Variants in AGL observed in about 807,000 individuals in gnomAD.
AGL encodes the protein amylo-alpha-1,6-glucosidase and 4-alpha-glucanotransferase, also known as glycogen debranching enzyme.
Under a neutral mutation model 199.3 loss-of-function variants are expected in AGL, and 128 were observed. The ratio of observed to expected loss-of-function variants is 0.64; its 90% CI spans 0.56 to 0.74. AGL has a LOEUF of 0.74. Ranked by LOEUF, AGL falls within the 30% of genes least tolerant of loss-of-function variation. The pLI, the probability that AGL is intolerant of heterozygous loss-of-function variation, is 0.00. For synonymous variants in AGL, 584 were observed against 594.7 expected, an observed-to-expected ratio of 0.98 and a Z score of 0.26; for missense variants, 1,809 against 1,820.8, an observed-to-expected ratio of 0.99 and a Z score of 0.12.
chr1:99,893,819 C>T (rs1228553376), intron 24 of AGL, among the ~76,000 whole-genome samples: 2 of 152,104 alleles, frequency 1.3e-5, no homozygotes, highest in African/African-American at 2.4e-5. Context: ...GGACTGTATT[C>T]AGATTTGCAG....
chr1:99,875,201 G>C lies in AGL; in HGVS notation c.1130G>C (p.Arg377Thr). 2 of 1,614,172 alleles carry C rather than the reference G, an allele frequency of 1.2e-6. No homozygotes were observed. The highest frequency in any genetic ancestry group is 1.3e-5 in the African/African-American group (1 of 75,064). The change falls in exon 9 of 34, where the codon AGA (arginine) becomes ACA (threonine). Residue 377 changes from arginine (R) to threonine (T), a missense_variant. Coordinates refer to ENST00000361915, the MANE Select transcript of AGL (RefSeq NM_000642.3). Reference protein sequence around the residue: ...IEECCNWFHKRMEELNSEKHR... With the variant: ...IEECCNWFHKTMEELNSEKHR... ...GAATGCTGTAATTGGTTTCATAAAA[G>C]AATGGAGGAATTAAATTCAGAGAAG...
At chr1:99,862,452 T>C (rs766988992) in intron 4 of AGL, 29 bp downstream of exon 4, 2 of 1,609,566 alleles carry the variant, frequency 1.2e-6, no homozygotes, top group South Asian at 2.2e-5. Flanking sequence ...CTTTTTCTTA[T>C]TTAAAAAAAT....
At chr1:99,910,886 C>T (rs778565328) in intron 28 of AGL, 39 bp downstream of exon 28, 5 of 1,593,854 alleles carry the variant, frequency 3.1e-6, no homozygotes, top group Non-Finnish European at 3.4e-6. Flanking sequence ...TTATACCCTT[C>T]TTTAAGAAAG....
chr1:99,866,689 A>G (rs1650536432), intron 5 of AGL, among the ~76,000 whole-genome samples: 1 of 152,184 alleles, frequency 6.6e-6, no homozygotes, highest in Non-Finnish European at 1.5e-5. Context: ...CACAGACTGT[A>G]TTTCTGAGAC....
At chr1:99,906,895 G>GA (rs1309583054) in intron 27 of AGL, among the ~76,000 whole-genome samples, 1 of 152,140 alleles carries the variant, frequency 6.6e-6, no homozygotes, top group Non-Finnish European at 1.5e-5. Flanking sequence ...ACCCAAAGTG[G>GA]AATGCTAGAT....
intron 25 of AGL, among the ~76,000 whole-genome samples, chr1:99,897,813 G>C (rs1653451738): frequency 6.6e-6 from 1 of 152,144 alleles, no homozygotes; most frequent in Non-Finnish European, 1.5e-5. Flanking sequence ...AACACATACA[G>C]TTAAGGTGCC....
intron 10 of AGL, 141 bp downstream of exon 10, chr1:99,875,596 T>C (rs1651454881): frequency 3.9e-6 from 3 of 774,810 alleles, no homozygotes; most frequent in Middle Eastern, 3.6e-4. Flanking sequence ...GATTTGGACA[T>C]AGGCTTAATA....
At chr1:99,920,592 T>C (rs1156796455) in intron 33 of AGL, among the ~76,000 whole-genome samples, 1 of 152,214 alleles carries the variant, frequency 6.6e-6, no homozygotes, top group East Asian at 1.9e-4. Flanking sequence ...TCCATGTTTC[T>C]ATGACAGTTT....
chr1:99,877,523 A>T, intron 11 of AGL, 118 bp from the exon 12 acceptor site: 1 of 863,922 alleles, frequency 1.2e-6, no homozygotes, highest in Non-Finnish European at 1.9e-6. Context: ...GATATAATTT[A>T]ACCAATATAT....
intron 27 of AGL, 120 bp from the exon 28 acceptor site, chr1:99,910,590 CTG>C (rs1196306504): frequency 7.5e-6 from 3 of 400,946 alleles, no homozygotes; most frequent in Non-Finnish European, 1.2e-5. Context: ...TACCACCAAA[CTG>C]AGCTTTAGAG....
intron 28 of AGL, among the ~76,000 whole-genome samples, chr1:99,911,708 G>A (rs1425079223): frequency 6.6e-6 from 1 of 152,166 alleles, no homozygotes; most frequent in Non-Finnish European, 1.5e-5. Flanking sequence ...CTCCCAAAGT[G>A]CTGGGATTAC....
At chr1:99,915,537 A>G (rs1655052009) in intron 31 of AGL, 51 bp downstream of exon 31, 4 of 1,406,024 alleles carry the variant, frequency 2.8e-6, no homozygotes, top group East Asian at 2.3e-5. Flanking sequence ...ATCCAAATAC[A>G]TTGACATCAA....
intron 27 of AGL, among the ~76,000 whole-genome samples, chr1:99,905,335 A>G (rs1654189865): frequency 6.6e-6 from 1 of 152,074 alleles, no homozygotes; most frequent in Non-Finnish European, 1.5e-5. Context: ...TAGCTGGACT[A>G]CAGGTGCATG....
At chr1:99,857,217 C>G (rs1024989588) in intron 2 of AGL, among the ~76,000 whole-genome samples, 1 of 149,070 alleles carries the variant, frequency 6.7e-6, no homozygotes, top group Admixed American at 6.7e-5. Context: ...CCAGACGGGG[C>G]GGCGGGACAA....
intron 27 of AGL, among the ~76,000 whole-genome samples, chr1:99,906,877 G>GTA (rs1284681147): frequency 6.6e-6 from 1 of 152,016 alleles, no homozygotes; most frequent in African/African-American, 2.4e-5. Flanking sequence ...TCATTTTTAT[G>GTA]TATATATACC....
intron 3 of AGL, 81 bp downstream of exon 3, chr1:99,861,794 T>G (rs934292009): frequency 1.3e-6 from 2 of 1,506,482 alleles, no homozygotes; most frequent in Admixed American, 1.7e-5. Context: ...AATGTTACTG[T>G]ATGAACCATG....
rs1649784921 is a variant in AGL, at chr1:99,858,766, A to AAT, written c.83-2734_83-2733dup. On this transcript the variant is annotated intron_variant, in intron 2 of 33. Coordinates refer to ENST00000361915, the MANE Select transcript of AGL (RefSeq NM_000642.3). ...TACATTTTCACTGAGAGATATTATC[A>AAT]ATATTAATTTTTAGTGAGAGCCAAA... Among the ~76,000 whole-genome samples the AAT allele has an allele frequency of 3.9e-5, 6 of 152,084 alleles. No homozygotes were observed. In the South Asian group the frequency reaches 1.2e-3, roughly 31 times the overall value.
Position 99,896,406 on chromosome 1 carries a change from G to A in AGL, c.3362+18G>A. The A allele has an allele frequency of 6.4e-7, 1 of 1,555,700 alleles. No individual in the cohort carries two copies. On this transcript the variant is annotated intron_variant, in intron 25 of 33. Transcript: ENST00000361915. ...GAAGCCAGGTAGGAGAGCCTCTAAA[G>A]TGTTGTACTGCGAGTTTATGTCTGA...
At chr1:99,856,835 A>G (rs1649512699) in intron 2 of AGL, among the ~76,000 whole-genome samples, 1 of 152,218 alleles carries the variant, frequency 6.6e-6, no homozygotes, top group African/African-American at 2.4e-5. Context: ...TCCCATGTCT[A>G]CTTCTTTCTA....
Sources: gnomAD v4.1 joint callset for allele counts (sites outside exome capture counted in the v4.1 genomes callset) on GRCh38, gnomAD v4.1.1 for gene constraint, MANE v1.5 for transcripts, NCBI Gene and HGNC (gene_info 2026-07-23, HGNC 2026-07-21) for gene names.